ZNF157: variants seen among roughly 807,000 people sequenced by gnomAD.
ZNF157 encodes the protein zinc finger protein 22.
In ZNF157, 8 loss-of-function variants were observed where a neutral mutation model predicts 9.4. The ratio of observed to expected loss-of-function variants is 0.85; its 90% CI spans 0.50 to 1.53. The LOEUF (loss-of-function observed/expected upper bound fraction) is 1.53. Ranked by LOEUF, ZNF157 falls within the 40% of genes most tolerant of loss-of-function variation. The pLI is 0.00. For missense variants in ZNF157, 316 were observed against 385.2 expected, an observed-to-expected ratio of 0.82 and a Z score of 1.50; for synonymous variants, 120 against 130.8, an observed-to-expected ratio of 0.92 and a Z score of 0.56.
chrX:47,410,368 G>A lies in ZNF157; in HGVS notation c.165G>A (p.Val55=), dbSNP rs1569261089. ...DPAQRTMHKD[V]MLETYSNLAS... ...CTCAGAGGACCATGCACAAGGATGT[G>A]ATGCTGGAGACCTACAGCAACCTGG... The change falls in exon 2 of 4, where the codon GTG becomes GTA. Residue 55 remains valine, a synonymous_variant. Coordinates refer to ENST00000377073, the MANE Select transcript of ZNF157 (RefSeq NM_003446.4). The A allele has an allele frequency of 8.3e-7, 1 of 1,211,571 alleles. No individual in the cohort carries two copies. The highest frequency in any genetic ancestry group is 3.0e-5 in the East Asian group (1 of 33,850).
At chrX:47,396,975 G>T (rs2055915282) in intron 1 of ZNF157, among the ~76,000 whole-genome samples, 1 of 110,825 alleles carries the variant, frequency 9.0e-6, no homozygotes, top group African/African-American at 3.3e-5. Flanking sequence ...GGAAAGACCT[G>T]CCTCCATGAT....
chrX:47,391,908 G>T (rs1475389093), intron 1 of ZNF157, among the ~76,000 whole-genome samples: 33 of 90,477 alleles, frequency 3.6e-4, no homozygotes, highest in African/African-American at 1.3e-3. Context: ...TTTTTTTTTT[G>T]AGAGGGAGTC....
intron 1 of ZNF157, among the ~76,000 whole-genome samples, chrX:47,397,820 GTGGC>G (rs2055918408): frequency 1.8e-5 from 2 of 110,125 alleles, no homozygotes; most frequent in African/African-American, 6.6e-5. Context: ...AAGTGGCCGT[GTGGC>G]AGTCTTAGCT....
chrX:47,386,175 G>A (rs2055878922), intron 1 of ZNF157, among the ~76,000 whole-genome samples: 1 of 111,524 alleles, frequency 9.0e-6, no homozygotes, highest in African/African-American at 3.3e-5. Context: ...GATCAGTATC[G>A]ATTCCCATGC....
At chrX:47,406,316 T>A (rs1206048797) in intron 1 of ZNF157, among the ~76,000 whole-genome samples, 1 of 110,635 alleles carries the variant, frequency 9.0e-6, no homozygotes, top group Non-Finnish European at 1.9e-5. Context: ...CATTTTATTT[T>A]ATGTTATAAT....
intron 1 of ZNF157, among the ~76,000 whole-genome samples, chrX:47,376,577 T>C (rs921895717): frequency 2.7e-5 from 3 of 111,302 alleles, no homozygotes; most frequent in Non-Finnish European, 3.8e-5. Flanking sequence ...GATCGCGTCA[T>C]TGTACTCCAG....
chrX:47,371,025 A>T, intron 1 of ZNF157, among the ~76,000 whole-genome samples: 1 of 110,062 alleles, frequency 9.1e-6, no homozygotes. Context: ...CAATACTATA[A>T]TTTTTTCATT....
In ZNF157 at chrX:47,413,524, A is replaced by C. The variant is rs2055973744; in HGVS notation, c.1451A>C (p.His484Pro). The C allele has an allele frequency of 3.3e-6, 4 of 1,211,372 alleles. No homozygotes were observed. In the East Asian group the frequency reaches 1.2e-4, roughly 36 times the overall value. Residue 484 changes from histidine to proline, a missense_variant, in exon 4 of 4, where the codon CAC (histidine) becomes CCC (proline). This residue lies in a region of ZNF157 where 167 missense variants were observed against 183.6 expected (regional missense o/e 0.91). Transcript: ENST00000377073. ...GGGAAAGCTTTCTGCCGGAAAGCAC[A>C]CCTCACAGAACATCAGAGAACTCAC... ...ECGKAFCRKA[H>P]LTEHQRTHIG...
Position 47,413,182 on chromosome X carries a change from A to C in ZNF157, c.1109A>C (p.His370Pro), listed in dbSNP as rs779046110. The C allele has an allele frequency of 8.3e-7, 1 of 1,211,821 alleles. No homozygotes were observed. The highest frequency in any genetic ancestry group is 3.0e-5 in the East Asian group (1 of 33,829). Reference sequence around the variant, plus strand: ...GAATGTGGGAAATCTTTCAGGGTGCACTCATCTCTTGGGATCCATCAGAGA... The same window carrying C: ...GAATGTGGGAAATCTTTCAGGGTGCCCTCATCTCTTGGGATCCATCAGAGA... ...CNECGKSFRV[H>P]SSLGIHQRIH... The change falls in exon 4 of 4, where the codon CAC becomes CCC. Residue 370 changes from histidine (H) to proline (P), a missense_variant. Physicochemically the swap from His to Pro is moderately conservative, Grantham distance 77. This residue lies in a region of ZNF157 where 167 missense variants were observed against 183.6 expected (regional missense o/e 0.91). Coordinates refer to ENST00000377073, the MANE Select transcript of ZNF157 (RefSeq NM_003446.4).
chrX:47,376,232 C>T (rs1049227936), intron 1 of ZNF157, among the ~76,000 whole-genome samples: 1 of 112,137 alleles, frequency 8.9e-6, no homozygotes, highest in Admixed American at 9.6e-5. Context: ...CATTCATGTG[C>T]GGATTTTTGT....
At chrX:47,404,139 C>A (rs1029756849) in intron 1 of ZNF157, among the ~76,000 whole-genome samples, 2 of 107,903 alleles carry the variant, frequency 1.9e-5, no homozygotes, top group African/African-American at 6.6e-5. Flanking sequence ...CACTGCACTG[C>A]AGCCTGTGCG....
intron 1 of ZNF157, among the ~76,000 whole-genome samples, chrX:47,397,887 T>C (rs1047288647): frequency 9.0e-6 from 1 of 110,984 alleles, no homozygotes; most frequent in African/African-American, 3.3e-5. Context: ...TTCCTCCTTT[T>C]GGAACAGAGA....
At chrX:47,389,226 AG>A (rs1220402092) in intron 1 of ZNF157, among the ~76,000 whole-genome samples, 1 of 109,871 alleles carries the variant, frequency 9.1e-6, no homozygotes, top group African/African-American at 3.3e-5. Flanking sequence ...CTTTTTTTTG[AG>A]ACAGAGTCTT....
At chrX:47,377,076 C>T (rs953130487) in intron 1 of ZNF157, among the ~76,000 whole-genome samples, 3 of 111,218 alleles carry the variant, frequency 2.7e-5, no homozygotes, top group Non-Finnish European at 5.7e-5. Flanking sequence ...AATGGATCAG[C>T]TGGCAACACC....
Position 47,413,827 on chromosome X carries a change from T to C in ZNF157, c.*233T>C. 2 of 332,785 alleles carry C rather than the reference T, an allele frequency of 6.0e-6. No homozygotes were observed. The highest frequency in any genetic ancestry group is 1.5e-4 in the South Asian group (1 of 6,619). The allele number at this position is 332,785 out of a possible 1,213,427, so 27.4% of individuals were successfully genotyped here. ...TGCATTGACTGTTCATGTCCTCTGC[T>C]CATTGTTTTCAAATGGGCTGTTCAT... On this transcript the variant is annotated 3_prime_UTR_variant, in exon 4 of 4. Transcript: ENST00000377073.
chrX:47,389,251 G>A (rs2055889713), intron 1 of ZNF157, among the ~76,000 whole-genome samples: 1 of 109,479 alleles, frequency 9.1e-6, no homozygotes, highest in Non-Finnish European at 1.9e-5. Flanking sequence ...CTGTCGCCCA[G>A]GCTGGAGTGC....
intron 1 of ZNF157, among the ~76,000 whole-genome samples, chrX:47,398,452 A>G (rs1043400397): frequency 4.5e-5 from 5 of 111,269 alleles, no homozygotes; most frequent in Non-Finnish European, 9.4e-5. Flanking sequence ...TGCATAACCC[A>G]TGTATTCATT....
intron 1 of ZNF157, among the ~76,000 whole-genome samples, chrX:47,404,802 T>C (rs946294627): frequency 2.0e-4 from 22 of 111,252 alleles, no homozygotes; most frequent in Middle Eastern, 4.2e-3. Context: ...ATTTATTTTT[T>C]TAAATTTTTT....
chrX:47,382,830 C>T (rs999355501), intron 1 of ZNF157, among the ~76,000 whole-genome samples: 2 of 109,790 alleles, frequency 1.8e-5, no homozygotes, highest in African/African-American at 3.3e-5. Context: ...TATTCACCCA[C>T]TGAATATGCC....
Sources: gnomAD v4.1 joint callset for allele counts (sites outside exome capture counted in the v4.1 genomes callset) on GRCh38, gnomAD v4.1.1 for gene constraint, gnomAD v4.1.1 regional missense constraint, MANE v1.5 for transcripts, NCBI Gene and HGNC (gene_info 2026-07-23, HGNC 2026-07-21) for gene names.